Variants in TTLL13 observed in about 807,000 individuals in gnomAD.
The protein encoded by TTLL13 is tubulin polyglutamylase TTLL13.
the TTLL13 span, chr15:90,250,612 C>T: frequency 1.2e-6 from 2 of 1,607,668 alleles, no homozygotes; most frequent in African/African-American, 2.7e-5. Context: ...CACCCCGCAA[C>T]CCCTCAGAAT....
At chr15:90,263,026 G>C in the TTLL13 span, 2 of 1,536,144 alleles carry the variant, frequency 1.3e-6, no homozygotes, top group Non-Finnish European at 1.7e-6. Context: ...GGAGGAGCTG[G>C]AGCGGATGAA....
the TTLL13 span, chr15:90,258,664 C>A: frequency 5.7e-4 from 708 of 1,231,864 alleles, 1 homozygote; most frequent in Admixed American, 7.8e-4. Context: ...TATCTTAGAC[C>A]CTCTAGTTAA....
the TTLL13 span, chr15:90,265,033 T>G: frequency 4.1e-6 from 6 of 1,463,404 alleles, no homozygotes; most frequent in Non-Finnish European, 5.4e-6. Context: ...GCATTAAATC[T>G]TTGCTAAATG....
chr15:90,257,805 G>A, the TTLL13 span: 3 of 1,393,600 alleles, frequency 2.2e-6, no homozygotes, highest in Non-Finnish European at 3.0e-6. Context: ...GCTGGCTCTT[G>A]GGAGGCTAAT....
the TTLL13 span, chr15:90,264,687 A>G: frequency 2.7e-5 from 42 of 1,531,370 alleles, no homozygotes; most frequent in Non-Finnish European, 3.4e-5. Context: ...TTCTGTGAAT[A>G]CCAACTCAGG....
chr15:90,251,376 G>A, the TTLL13 span, among the ~76,000 whole-genome samples: 1 of 146,500 alleles, frequency 6.8e-6, no homozygotes, highest in Non-Finnish European at 1.5e-5. Context: ...CACCCGCCTC[G>A]GCCTCCCAAA....
At chr15:90,253,360 G>C in the TTLL13 span, 29 of 1,611,786 alleles carry the variant, frequency 1.8e-5, 1 homozygote, top group Admixed American at 2.5e-4. Flanking sequence ...GACATGAAGA[G>C]GTTTCAGGTA....
the TTLL13 span, chr15:90,264,893 G>A: frequency 2.6e-6 from 4 of 1,536,108 alleles, no homozygotes; most frequent in African/African-American, 1.4e-5. Context: ...AGCAGCCAAG[G>A]TTCCCCTCTG....
At chr15:90,264,883 A>G in the TTLL13 span, 3 of 1,536,124 alleles carry the variant, frequency 2.0e-6, no homozygotes, top group Non-Finnish European at 2.6e-6. Context: ...CTGAACACAG[A>G]GCAGCCAAGG....
At chr15:90,258,637 A>T in the TTLL13 span, 1 of 970,950 alleles carries the variant, frequency 1.0e-6, no homozygotes, top group Non-Finnish European at 1.6e-6. Context: ...TCCCCGGCTG[A>T]GGCCATGGGA....
the TTLL13 span, chr15:90,251,626 T>C: frequency 6.2e-7 from 1 of 1,609,576 alleles, no homozygotes; most frequent in Non-Finnish European, 8.5e-7. Flanking sequence ...CACACTGTGG[T>C]GCATAACATG....
At chr15:90,257,710 T>C in the TTLL13 span, 8 of 1,614,040 alleles carry the variant, frequency 5.0e-6, no homozygotes, top group East Asian at 1.3e-4. Context: ...GATGGCGCTG[T>C]GGGCAGTAAG....
the TTLL13 span, chr15:90,255,923 G>A: frequency 4.3e-6 from 7 of 1,613,370 alleles, no homozygotes; most frequent in Non-Finnish European, 5.9e-6. Flanking sequence ...GATACCAGGG[G>A]GAGGAAAAGG....
chr15:90,250,675 T>C, the TTLL13 span: 2 of 1,614,004 alleles, frequency 1.2e-6, no homozygotes, highest in Non-Finnish European at 1.7e-6. Flanking sequence ...AGGAAGACTA[T>C]GTTGAGGAAA....
chr15:90,260,013 C>T, the TTLL13 span, among the ~76,000 whole-genome samples: 1 of 152,118 alleles, frequency 6.6e-6, no homozygotes, highest in Non-Finnish European at 1.5e-5. Context: ...CCTGGGACAC[C>T]GTAAGCACTC....
the TTLL13 span, among the ~76,000 whole-genome samples, chr15:90,260,491 T>C: frequency 6.6e-6 from 1 of 151,948 alleles, no homozygotes; most frequent in African/African-American, 2.4e-5. Flanking sequence ...AGTGAGACCT[T>C]GTTTCAAAAA....
At chr15:90,257,705 C>T in the TTLL13 span, 40 of 1,614,082 alleles carry the variant, frequency 2.5e-5, no homozygotes, top group Non-Finnish European at 2.7e-5. Flanking sequence ...TCCGGGATGG[C>T]GCTGTGGGCA....
At chr15:90,256,044 A>G in the TTLL13 span, 10 of 1,555,192 alleles carry the variant, frequency 6.4e-6, no homozygotes, top group Non-Finnish European at 8.7e-6. Context: ...TGAGTGCTCC[A>G]GGAAGAGCAT....
chr15:90,257,201 C>T, the TTLL13 span: 2 of 1,613,846 alleles, frequency 1.2e-6, no homozygotes, highest in Admixed American at 3.3e-5. Context: ...ATCCTGTGAC[C>T]CTCTCCGGAT....
Sources: gnomAD v4.1 joint callset for allele counts (sites outside exome capture counted in the v4.1 genomes callset) on GRCh38, gnomAD v4.1.1 for gene constraint, MANE v1.5 for transcripts, NCBI Gene and HGNC (gene_info 2026-07-23, HGNC 2026-07-21) for gene names.